Variants in CANX observed in about 807,000 individuals in gnomAD.
CANX encodes epididymis secretory sperm binding protein.
A neutral mutation model predicts 75.7 loss-of-function variants in CANX; 14 were observed. The ratio of observed to expected loss-of-function variants is 0.19; its 90% confidence interval spans 0.12 to 0.29. The LOEUF is 0.29. Among genes scored for constraint, CANX ranks in the 10% least tolerant of loss-of-function variants. CANX has a pLI of 1.00. For synonymous variants in CANX, 227 were observed against 236.9 expected (o/e 0.96, Z 0.38); for missense variants, 567 against 713.2 (o/e 0.79, Z 2.34).
intron 7 of CANX, among the ~76,000 whole-genome samples, chr5:179,710,627 G>A (rs1351094107): frequency 2.1e-5 from 3 of 141,440 alleles, no homozygotes; most frequent in Non-Finnish European, 4.6e-5. Context: ...AGAATGGCAC[G>A]AACCCGGGAG....
rs1285654681 is a variant in CANX at position 179,730,176 on chromosome 5, G to A, written c.*1532G>A. 2 of 152,520 alleles carry A rather than the reference G, an allele frequency of 1.3e-5. No homozygotes were observed. The highest frequency in any genetic ancestry group is 2.4e-5 in the African/African-American group (1 of 41,402). The allele number at this position is 152,520 out of a possible 1,614,324, so 9.4% of individuals were successfully genotyped here. A position where few individuals can be genotyped will look rare whatever the true frequency, so the allele number is the denominator to read the frequency against. On this transcript the variant is annotated 3_prime_UTR_variant, in exon 15 of 15. Transcript: ENST00000247461. ...TTTAGAGGCTTTCAAATGTACCGAT[G>A]ATACTGTTTCTTGCACTGAATATAT... is the stretch of plus-strand genomic sequence containing the variant.
intron 10 of CANX, among the ~76,000 whole-genome samples, chr5:179,720,768 CTTTA>C (rs61478624): frequency 6.4e-4 from 97 of 151,570 alleles, no homozygotes; most frequent in Middle Eastern, 3.4e-3. Context: ...CTTTCTTTAA[CTTTA>C]TTTATTTATT....
chr5:179,716,765 G>GGGCT (rs1777981237), intron 8 of CANX, among the ~76,000 whole-genome samples: 1 of 152,226 alleles, frequency 6.6e-6, no homozygotes, highest in Non-Finnish European at 1.5e-5. Context: ...TGTGAGGCAT[G>GGGCT]ATGTTGGCAT....
chr5:179,696,679 A>C (rs938234643), upstream of CANX, among the ~76,000 whole-genome samples: 1 of 152,226 alleles, frequency 6.6e-6, no homozygotes, highest in African/African-American at 2.4e-5. Flanking sequence ...GGCCAAGCTT[A>C]CATGTATGAG....
chr5:179,709,041 A>C lies in CANX; in HGVS notation c.510A>C (p.Lys170Asn). The C allele has an allele frequency of 6.3e-7, 1 of 1,593,562 alleles. No individual in the cohort carries two copies. ...CGGAYVKLLS[K>N]TPELNLDQFH... ...GTGCCTATGTGAAACTGCTTTCTAA[A>C]ACACCAGAACTCAACCTGGTATGTA... Residue 170 changes from lysine to asparagine, a missense_variant, in exon 6 of 15, where the codon AAA (lysine) becomes AAC (asparagine). Physicochemically the swap from Lys to Asn is moderately conservative, Grantham distance 94. This residue lies in a region of CANX where 351 missense variants were observed against 433.8 expected (regional missense o/e 0.81). Transcript: ENST00000247461.
chr5:179,695,261 G>A (rs535043257), upstream of CANX, among the ~76,000 whole-genome samples: 4 of 152,026 alleles, frequency 2.6e-5, no homozygotes, highest in Middle Eastern at 0.014. Flanking sequence ...GGGTTTCACC[G>A]TGTTAGCCAG....
At chr5:179,696,474 C>G (rs1447703601), upstream of CANX, among the ~76,000 whole-genome samples, 1 of 151,722 alleles carries the variant, frequency 6.6e-6, no homozygotes, top group African/African-American at 2.4e-5. Flanking sequence ...TAGGGTTTCA[C>G]CATGTTGGCC....
rs149314902 is a variant in CANX at position 179,718,540 on chromosome 5, T to C, written c.912-1128T>C. ...GCCTGGCTGTGCATGTTTTTTCTTT[T>C]TTTTTGAGACGGAGCTTCGCTCTTG... On this transcript the variant is annotated intron_variant, in intron 8 of 14. Transcript: ENST00000247461. Among the ~76,000 whole-genome samples, 5 of 143,856 alleles carry C rather than the reference T, an allele frequency of 3.5e-5. No homozygotes were observed. In the East Asian group the frequency reaches 1.1e-3, roughly 31 times the overall value. The allele number at this position is 143,856 out of a possible 152,430, so 94.4% of individuals were successfully genotyped here. A position where few individuals can be genotyped will look rare whatever the true frequency, so the allele number is the denominator to read the frequency against.
Position 179,728,641 on chromosome 5 carries a change from G to C in CANX, c.1776G>C (p.Glu592Asp). 6.2e-7 allele frequency: 1 copy of C among 1,607,272 alleles called. No individual in the cohort carries two copies. The highest frequency in any genetic ancestry group is 1.1e-5 in the South Asian group (1 of 90,932). Reference sequence around the variant, plus strand: ...CAAGAAACAGAAAGCCACGAAGAGAGTGAAACAATCTTAAGAGCTTGATCT... The same window carrying C: ...CAAGAAACAGAAAGCCACGAAGAGACTGAAACAATCTTAAGAGCTTGATCT... Reference protein sequence around the residue: ...RSPRNRKPRRE With the variant: ...RSPRNRKPRRD Residue 592 changes from glutamate (E) to aspartate (D), a missense_variant, in exon 15 of 15, where the codon GAG becomes GAC. Around this residue, in one of 3 missense-constraint regions of CANX, gnomAD observed 167 missense variants for 179.3 expected, o/e 0.93. Coordinates refer to ENST00000247461, the MANE Select transcript of CANX (RefSeq NM_001746.4).
chr5:179,700,297 A>G (rs1562456664), intron 1 of CANX: 1 of 152,188 alleles, frequency 6.6e-6, no homozygotes, highest in Non-Finnish European at 1.5e-5. Context: ...GATTTAGGAA[A>G]TGGAAGATTT....
intron 1 of CANX, among the ~76,000 whole-genome samples, chr5:179,691,934 C>A (rs186444861): frequency 6.8e-6 from 1 of 147,270 alleles, no homozygotes; most frequent in Admixed American, 6.8e-5. Flanking sequence ...CCCGCCACCA[C>A]GCCCGGCTAA....
At chr5:179,683,844 T>A (rs1776134947) in intron 1 of CANX, among the ~76,000 whole-genome samples, 1 of 152,114 alleles carries the variant, frequency 6.6e-6, no homozygotes. Flanking sequence ...TCAGTATAGA[T>A]TTTTTTTGGC....
chr5:179,718,270 G>A (rs1465926301), intron 8 of CANX, among the ~76,000 whole-genome samples: 2 of 152,128 alleles, frequency 1.3e-5, no homozygotes, highest in East Asian at 1.9e-4. Flanking sequence ...TCTGCCTCCC[G>A]GGTTCAAACG....
intron 8 of CANX, among the ~76,000 whole-genome samples, chr5:179,717,298 C>A (rs1339086761): frequency 1.3e-5 from 2 of 152,108 alleles, no homozygotes; most frequent in East Asian, 3.9e-4. Context: ...TGGACTTAGC[C>A]TTGTTCAGTA....
At chr5:179,728,523 G>C (rs1031752419) in intron 14 of CANX, 68 bp from the exon 15 acceptor site, 3 of 977,872 alleles carry the variant, frequency 3.1e-6, no homozygotes, top group African/African-American at 3.3e-5. Flanking sequence ...GGCTGATCTT[G>C]AAAATATGGT....
At position 179,729,015 on chromosome 5, in the gene CANX, C is replaced by T. The variant is rs1431449800; in HGVS notation, c.*371C>T. On this transcript the variant is annotated 3_prime_UTR_variant, in exon 15 of 15. Transcript: ENST00000247461. The stretch of plus-strand genomic sequence containing the variant: ...TAATCTGTTTGTGCAAACATAATAC[C>T]ACCATTTAAAAATGTTAGGGAGATG... The T allele has an allele frequency of 7.6e-6, 2 of 264,568 alleles. No individual in the cohort carries two copies. Among genetic ancestry groups the T allele is most frequent in the South Asian group, 3.5e-5 (1 of 28,504 alleles). The allele number at this position is 264,568 out of a possible 1,614,324, so 16.4% of individuals were successfully genotyped here. A position where few individuals can be genotyped will look rare whatever the true frequency, so the allele number is the denominator to read the frequency against.
intron 1 of CANX, among the ~76,000 whole-genome samples, chr5:179,699,981 G>C (rs1057417377): frequency 1.4e-4 from 22 of 152,176 alleles, no homozygotes; most frequent in South Asian, 4.1e-4. Context: ...ATGGATTTGT[G>C]AGGATTAAAT....
intron 7 of CANX, chr5:179,715,808 GTTTCTTGTT>G (rs1167912339): frequency 7.3e-6 from 3 of 413,146 alleles, no homozygotes. Flanking sequence ...AGTTTATGTA[GTTTCTTGTT>G]TTTTTTGTTT....
At position 179,728,784 on chromosome 5, in the gene CANX, A is replaced by G. The variant is rs765802032; in HGVS notation, c.*140A>G. 1 of 714,028 alleles carries G rather than the reference A, an allele frequency of 1.4e-6. No individual in the cohort carries two copies. Among genetic ancestry groups the G allele is most frequent in the South Asian group, 1.5e-5 (1 of 67,416 alleles). The allele number at this position is 714,028 out of a possible 1,614,324, so 44.2% of individuals were successfully genotyped here. On this transcript the variant is annotated 3_prime_UTR_variant, in exon 15 of 15. Coordinates refer to ENST00000247461, the MANE Select transcript of CANX (RefSeq NM_001746.4). ...CATCAGCAGGCTCCAGTTGAACACT[A>G]GTCTGTGTAACTTTAAACATCTAGC... is the stretch of plus-strand genomic sequence containing the variant.
Sources: allele counts gnomAD v4.1 joint callset (sites outside exome capture counted in the v4.1 genomes callset), GRCh38; gene constraint gnomAD v4.1.1; regional missense constraint gnomAD v4.1.1; transcripts MANE v1.5; gene names NCBI Gene and HGNC (gene_info 2026-07-23, HGNC 2026-07-21).